EEFSEC: variants seen among roughly 807,000 people sequenced by gnomAD.
EEFSEC encodes eukaryotic elongation factor, selenocysteine-tRNA specific, also known as selenocysteine-specific elongation factor.
A neutral mutation model predicts 42.1 loss-of-function variants in EEFSEC; 43 were observed. The observed-to-expected ratio is 1.02, with a 90% CI of 0.80 to 1.32. The LOEUF (loss-of-function observed/expected upper bound fraction) is 1.32. Among genes scored for constraint, EEFSEC ranks in the 40% most tolerant of loss-of-function variants. EEFSEC has a pLI of 0.00. For synonymous variants in EEFSEC, 354 were observed against 339.1 expected (o/e 1.04, Z -0.48); for missense variants, 745 against 803.6 (o/e 0.93, Z 0.88).
chr3:128,422,892 G>A, the EEFSEC span, among the ~76,000 whole-genome samples: 1 of 152,212 alleles, frequency 6.6e-6, no homozygotes, highest in Non-Finnish European at 1.5e-5. Context: ...GGAGCACTGG[G>A]TAATGAAGAG....
downstream of EEFSEC, among the ~76,000 whole-genome samples, chr3:128,413,092 CAG>C (rs756645880): frequency 3.5e-4 from 54 of 152,262 alleles, no homozygotes; most frequent in Middle Eastern, 3.4e-3. Flanking sequence ...CCAACACAAA[CAG>C]GGGGCAGAGG....
chr3:128,163,054 T>A (rs1014344540), intron 1 of EEFSEC, among the ~76,000 whole-genome samples: 3 of 152,146 alleles, frequency 2.0e-5, no homozygotes, highest in African/African-American at 7.2e-5. Flanking sequence ...TATTCCCCTT[T>A]CTGTCATTCT....
At chr3:128,371,271 G>A (rs576336368) in intron 6 of EEFSEC, among the ~76,000 whole-genome samples, 5 of 151,910 alleles carry the variant, frequency 3.3e-5, no homozygotes, top group East Asian at 3.9e-4. Context: ...GCTTACTCCC[G>A]AAAGGCCTTG....
At chr3:128,177,826 A>G (rs2065366728) in intron 1 of EEFSEC, among the ~76,000 whole-genome samples, 1 of 152,188 alleles carries the variant, frequency 6.6e-6, no homozygotes, top group South Asian at 2.1e-4. Context: ...TGCTTTTATA[A>G]ATAGGAAAAT....
intron 5 of EEFSEC, among the ~76,000 whole-genome samples, chr3:128,351,165 T>C (rs62270892): frequency 1.3e-3 from 194 of 152,248 alleles, no homozygotes; most frequent in Middle Eastern, 0.01. Flanking sequence ...AGCATGTGGT[T>C]GGTGTTGAGT....
chr3:128,319,000 C>A (rs2066978956), intron 4 of EEFSEC, among the ~76,000 whole-genome samples: 1 of 152,238 alleles, frequency 6.6e-6, no homozygotes, highest in Admixed American at 6.5e-5. Flanking sequence ...GGGTCTGAAT[C>A]TAGGTTCAGA....
At chr3:128,344,791 T>A (rs1163915831) in intron 5 of EEFSEC, among the ~76,000 whole-genome samples, 3 of 152,310 alleles carry the variant, frequency 2.0e-5, no homozygotes, top group African/African-American at 7.2e-5. Context: ...TAATCTCAAT[T>A]GTTCATTCCT....
intron 4 of EEFSEC, among the ~76,000 whole-genome samples, chr3:128,290,368 C>T (rs576797559): frequency 7.9e-5 from 12 of 151,776 alleles, no homozygotes; most frequent in Non-Finnish European, 1.6e-4. Flanking sequence ...ATTGCCTTGG[C>T]ATCTCTTAAA....
At chr3:128,398,723 C>G (rs2068012577) in intron 6 of EEFSEC, among the ~76,000 whole-genome samples, 1 of 152,174 alleles carries the variant, frequency 6.6e-6, no homozygotes, top group Non-Finnish European at 1.5e-5. Context: ...GGGCAGGCGC[C>G]CCACTCGCAG....
chr3:128,169,905 C>T (rs1039264136), intron 1 of EEFSEC, among the ~76,000 whole-genome samples: 5 of 152,232 alleles, frequency 3.3e-5, no homozygotes, highest in Admixed American at 6.5e-5. Flanking sequence ...ATGCTTCCCT[C>T]CATCCCCTTT....
chr3:128,257,575 T>C (rs1220598431), intron 2 of EEFSEC, among the ~76,000 whole-genome samples: 1 of 152,246 alleles, frequency 6.6e-6, no homozygotes, highest in Admixed American at 6.5e-5. Context: ...TTTATGGTTT[T>C]CTTATCCACA....
intron 4 of EEFSEC, among the ~76,000 whole-genome samples, chr3:128,320,805 G>T (rs1270534363): frequency 6.6e-5 from 10 of 152,182 alleles, no homozygotes; most frequent in Non-Finnish European, 7.3e-5. Flanking sequence ...TTGGCCCTAT[G>T]AGGAAGATAG....
intron 4 of EEFSEC, among the ~76,000 whole-genome samples, chr3:128,331,214 C>T (rs2067127370): frequency 1.8e-5 from 1 of 55,112 alleles, no homozygotes; most frequent in Non-Finnish European, 3.6e-5. Flanking sequence ...CAGTACATCT[C>T]CCCTCTTCTC....
intron 1 of EEFSEC, among the ~76,000 whole-genome samples, chr3:128,238,510 C>G (rs558659088): frequency 6.6e-6 from 1 of 152,054 alleles, no homozygotes; most frequent in Non-Finnish European, 1.5e-5. Flanking sequence ...GGCTGTTATT[C>G]GGGGTTTTTT....
intron 6 of EEFSEC, among the ~76,000 whole-genome samples, chr3:128,386,652 T>C (rs1559952510): frequency 6.6e-6 from 1 of 152,160 alleles, no homozygotes; most frequent in Non-Finnish European, 1.5e-5. Flanking sequence ...GTACAGGAAG[T>C]ATGGCACCCG....
intron 4 of EEFSEC, among the ~76,000 whole-genome samples, chr3:128,329,029 C>G (rs1334439547): frequency 6.6e-6 from 1 of 152,196 alleles, no homozygotes; most frequent in Non-Finnish European, 1.5e-5. Flanking sequence ...CACCCCGCCT[C>G]TCACCCTCCT....
At chr3:128,182,921 C>T (rs868413353) in intron 1 of EEFSEC, among the ~76,000 whole-genome samples, 4 of 140,050 alleles carry the variant, frequency 2.9e-5, no homozygotes, top group African/African-American at 1.2e-4. Flanking sequence ...TGGGGGTGGG[C>T]GGGTTGCCAG....
At chr3:128,313,588 A>G (rs2066913161) in intron 4 of EEFSEC, among the ~76,000 whole-genome samples, 1 of 152,078 alleles carries the variant, frequency 6.6e-6, no homozygotes, top group African/African-American at 2.4e-5. Flanking sequence ...CACTTTGGGA[A>G]CCTGACTTCA....
intron 6 of EEFSEC, among the ~76,000 whole-genome samples, chr3:128,373,040 G>A (rs1208796366): frequency 1.3e-5 from 2 of 152,192 alleles, no homozygotes; most frequent in Non-Finnish European, 2.9e-5. Flanking sequence ...AACATGTACA[G>A]AGCAGTCCCA....
Sources: gnomAD v4.1 joint callset for allele counts (sites outside exome capture counted in the v4.1 genomes callset) on GRCh38, gnomAD v4.1.1 for gene constraint, MANE v1.5 for transcripts, NCBI Gene and HGNC (gene_info 2026-07-23, HGNC 2026-07-21) for gene names.